NLGN1: variants seen among roughly 807,000 people sequenced by gnomAD.
The protein encoded by NLGN1 is neuroligin 1.
In NLGN1, 12 loss-of-function variants were observed where a neutral mutation model predicts 65.5. The ratio of observed to expected loss-of-function variants is 0.18; its 90% confidence interval spans 0.12 to 0.30. The LOEUF (loss-of-function observed/expected upper bound fraction) is 0.30, where lower values mean the gene tolerates loss of function less well. NLGN1 is among the 10% of genes least tolerant of loss of function. The pLI is 1.00. For synonymous variants in NLGN1, 350 were observed against 359.5 expected (o/e 0.97, Z 0.30); for missense variants, 750 against 1,007.1 (o/e 0.74, Z 3.46).
intron 3 of NLGN1, among the ~76,000 whole-genome samples, chr3:173,799,231 C>T (rs970645159): frequency 2.0e-5 from 3 of 151,738 alleles, no homozygotes; most frequent in Admixed American, 6.6e-5. Context: ...TTGCTTTTTG[C>T]ATGAGGATTA....
intron 3 of NLGN1, among the ~76,000 whole-genome samples, chr3:173,743,580 T>C (rs1255340946): frequency 6.6e-6 from 1 of 152,170 alleles, no homozygotes; most frequent in African/African-American, 2.4e-5. Flanking sequence ...CTTTTTAGAA[T>C]TTCCTCTTTT....
At chr3:173,964,038 G>A (rs887264573) in intron 4 of NLGN1, among the ~76,000 whole-genome samples, 1 of 152,162 alleles carries the variant, frequency 6.6e-6, no homozygotes, top group Non-Finnish European at 1.5e-5. Flanking sequence ...GAAGTGAATG[G>A]AAAGTGTAAA....
intron 4 of NLGN1, among the ~76,000 whole-genome samples, chr3:173,867,958 A>G (rs1415861877): frequency 2.0e-5 from 3 of 152,192 alleles, no homozygotes; most frequent in East Asian, 1.9e-4. Context: ...CATGTGGCTT[A>G]TTGCCTTTAA....
chr3:173,987,858 CA>C (rs1322675759), intron 4 of NLGN1, among the ~76,000 whole-genome samples: 4 of 152,136 alleles, frequency 2.6e-5, no homozygotes, highest in African/African-American at 9.7e-5. Flanking sequence ...CTTGTATTGA[CA>C]ACTAATGAAA....
chr3:174,184,348 TA>T (rs1341613190), intron 4 of NLGN1, among the ~76,000 whole-genome samples: 1 of 77,662 alleles, frequency 1.3e-5, no homozygotes, highest in Admixed American at 1.4e-4. Context: ...GAAATATCAA[TA>T]AAAAAGTACT....
Position 173,777,842 on chromosome 3 carries a change from A to T in NLGN1, c.494-29838A>T, listed in dbSNP as rs145480973. On this transcript the variant is annotated intron_variant, in intron 3 of 6. Transcript: ENST00000457714. ...TTGAAAAGTTTTCTATTCTTTTCCA[A>T]ACTCCATGCTGGTCTGAAAAGGCTC... is the stretch of plus-strand genomic sequence containing the variant. Among the ~76,000 whole-genome samples the T allele has an allele frequency of 2.7e-3, 409 of 151,988 alleles. 1 individual carries two copies. Among genetic ancestry groups the T allele is most frequent in the African/African-American group, 8.9e-3 (371 of 41,540 alleles).
At chr3:173,558,292 T>A (rs989316694) in intron 2 of NLGN1, among the ~76,000 whole-genome samples, 2 of 152,132 alleles carry the variant, frequency 1.3e-5, no homozygotes, top group Non-Finnish European at 1.5e-5. Flanking sequence ...TATCCCTAAG[T>A]GTGATTTTCT....
chr3:173,969,278 A>T lies in NLGN1; in HGVS notation c.646+161446A>T, dbSNP rs368135927. Among the ~76,000 whole-genome samples, 30 of 152,232 alleles carry T rather than the reference A, an allele frequency of 2.0e-4. No individual in the cohort carries two copies. In the East Asian group the frequency reaches 3.7e-3, roughly 19 times the overall value. On this transcript the variant is annotated intron_variant, in intron 4 of 6. Coordinates refer to ENST00000457714, the Ensembl canonical transcript of NLGN1. ...CACATGATATGATTTTACTTATTTG[A>T]TAAAGGAGTGAATGCCAGTTCATTT... is the stretch of plus-strand genomic sequence containing the variant.
intron 3 of NLGN1, among the ~76,000 whole-genome samples, chr3:173,724,968 T>C (rs1343377842): frequency 1.3e-5 from 2 of 150,004 alleles, no homozygotes; most frequent in Non-Finnish European, 3.0e-5. Context: ...CACTCATAGG[T>C]GGGAATTGAA....
At chr3:174,034,623 C>T (rs974384305) in intron 4 of NLGN1, among the ~76,000 whole-genome samples, 12 of 151,902 alleles carry the variant, frequency 7.9e-5, no homozygotes, top group Middle Eastern at 3.4e-3. Flanking sequence ...AGGTAGACAT[C>T]GATTAGTTTA....
intron 4 of NLGN1, among the ~76,000 whole-genome samples, chr3:174,110,211 C>T (rs1318006185): frequency 6.6e-6 from 1 of 151,948 alleles, no homozygotes; most frequent in Non-Finnish European, 1.5e-5. Context: ...GTAGTTAATT[C>T]TCTATTCCAT....
In NLGN1 at chr3:173,814,808, T is replaced by C. The variant is rs1578577727; in HGVS notation, c.646+6976T>C. Among the ~76,000 whole-genome samples, 5 of 152,246 alleles carry C rather than the reference T, an allele frequency of 3.3e-5. 1 individual carries two copies. Among genetic ancestry groups the C allele is most frequent in the Admixed American group, 3.3e-4 (5 of 15,298 alleles). ...AGCTTTAGGGAAGGTAGAAAATAAA[T>C]AATTAAACAAATCATATAGTTTACA... On this transcript the variant is annotated intron_variant, in intron 4 of 6. Transcript: ENST00000457714.
intron 4 of NLGN1, among the ~76,000 whole-genome samples, chr3:174,101,925 A>G (rs971358224): frequency 6.6e-6 from 1 of 152,190 alleles, no homozygotes; most frequent in African/African-American, 2.4e-5. Context: ...GAGATCAGGG[A>G]ATATTCACAG....
At chr3:173,479,583 C>T (rs377635458) in intron 2 of NLGN1, among the ~76,000 whole-genome samples, 1 of 152,264 alleles carries the variant, frequency 6.6e-6, no homozygotes, top group East Asian at 1.9e-4. Context: ...AAGACTCTTC[C>T]ACTCCCAGTG....
chr3:173,960,076 T>C (rs373640977), intron 4 of NLGN1, among the ~76,000 whole-genome samples: 9 of 152,228 alleles, frequency 5.9e-5, no homozygotes, highest in East Asian at 5.8e-4. Context: ...ATTCTTAATA[T>C]AGTGCTCTTC....
chr3:173,861,905 C>T, intron 4 of NLGN1, among the ~76,000 whole-genome samples: 1 of 151,042 alleles, frequency 6.6e-6, no homozygotes, highest in Non-Finnish European at 1.5e-5. Context: ...ATTACAGATG[C>T]ACACCACCAC....
intron 3 of NLGN1, among the ~76,000 whole-genome samples, chr3:173,782,810 A>C (rs1578408055): frequency 1.4e-5 from 2 of 146,720 alleles, no homozygotes; most frequent in African/African-American, 2.5e-5. Flanking sequence ...TCATTCCCCT[A>C]CCCCCCGCTC....
chr3:174,030,019 A>G (rs1459157751), intron 4 of NLGN1, among the ~76,000 whole-genome samples: 1 of 152,168 alleles, frequency 6.6e-6, no homozygotes, highest in Non-Finnish European at 1.5e-5. Context: ...CTCATGGTAA[A>G]TACATAGTAA....
chr3:173,918,611 T>G (rs2152252231), intron 4 of NLGN1, among the ~76,000 whole-genome samples: 1 of 123,418 alleles, frequency 8.1e-6, no homozygotes, highest in Non-Finnish European at 1.6e-5. Flanking sequence ...CCAGCCTGGG[T>G]GACAGTGAGA....
Sources: gnomAD v4.1 joint callset for allele counts (sites outside exome capture counted in the v4.1 genomes callset) on GRCh38, gnomAD v4.1.1 for gene constraint, MANE v1.5 for transcripts, NCBI Gene and HGNC (gene_info 2026-07-23, HGNC 2026-07-21) for gene names.